The following PCDHGA4 variants were observed in gnomAD, a reference collection of about 807,000 sequenced individuals.
PCDHGA4 encodes protocadherin gamma subfamily A, 4, also known as protocadherin gamma-A4.
In PCDHGA4, 38 loss-of-function variants were observed where a neutral mutation model predicts 54.6. The observed-to-expected ratio is 0.70, with a 90% CI of 0.54 to 0.91. The LOEUF (loss-of-function observed/expected upper bound fraction) is 0.91, where lower values mean the gene tolerates loss of function less well. PCDHGA4 is among the 40% of genes least tolerant of loss of function. PCDHGA4 has a pLI of 0.00. For synonymous variants in PCDHGA4, 511 were observed against 512.9 expected, an observed-to-expected ratio of 1.00 and a Z score of 0.05; for missense variants, 1,298 against 1,220.9, an observed-to-expected ratio of 1.06 and a Z score of -0.94.
intron 1 of PCDHGA4, chr5:141,421,585 G>A: frequency 1.2e-6 from 2 of 1,613,916 alleles, no homozygotes; most frequent in Non-Finnish European, 1.7e-6. Context: ...GATTTACGGA[G>A]TGGAGGTGGA....
intron 1 of PCDHGA4, among the ~76,000 whole-genome samples, chr5:141,380,592 C>A (rs1776595781): frequency 6.6e-6 from 1 of 152,050 alleles, no homozygotes; most frequent in South Asian, 2.1e-4. Flanking sequence ...TAGTAAAGAT[C>A]TTTAATATTT....
At chr5:141,364,601 G>C in intron 1 of PCDHGA4, 1 of 1,614,194 alleles carries the variant, frequency 6.2e-7, no homozygotes, top group Non-Finnish European at 8.5e-7. Context: ...GGGCAGGATA[G>C]ACCGGGAGGA....
intron 1 of PCDHGA4, chr5:141,409,995 C>T: frequency 1.2e-6 from 2 of 1,613,308 alleles, no homozygotes; most frequent in Non-Finnish European, 1.7e-6. Context: ...GACGCCGACT[C>T]GGGACACAAC....
In PCDHGA4 at chr5:141,407,146, T is replaced by C. The variant is rs142297912; in HGVS notation, c.2514+49525T>C. On this transcript the variant is annotated intron_variant, in intron 1 of 3. Transcript: ENST00000571252. ...TGCTTTATTTTTAAGAAAAAAAAGC[T>C]GAAGTGTCTGGGAATCCTTTATGAC... 2.0e-5 allele frequency among the ~76,000 whole-genome samples: 3 copies of C among 152,354 alleles called. No individual in the cohort carries two copies. The East Asian group carries it at 5.8e-4, about 29-fold the overall frequency.
At chr5:141,418,407 A>C (rs1165583519) in intron 1 of PCDHGA4, 1 of 1,613,926 alleles carries the variant, frequency 6.2e-7, no homozygotes, top group Non-Finnish European at 8.5e-7. Flanking sequence ...TTGGTGGAGA[A>C]AGACAATCCT....
intron 1 of PCDHGA4, chr5:141,374,762 C>A (rs765014957): frequency 1.2e-5 from 19 of 1,613,390 alleles, no homozygotes. Flanking sequence ...AAGCGTCGCC[C>A]AAATTCTGGT....
intron 1 of PCDHGA4, chr5:141,362,316 T>C: frequency 1.2e-6 from 2 of 1,614,050 alleles, no homozygotes; most frequent in Non-Finnish European, 1.7e-6. Flanking sequence ...GGGACTGTTT[T>C]CAGCCTGGTC....
rs891428609 is a variant in PCDHGA4, at chr5:141,503,553, C to T, written c.2574-1840C>T. Among the ~76,000 whole-genome samples the T allele has an allele frequency of 9.4e-5, 14 of 149,164 alleles. No homozygotes were observed. In the East Asian group the frequency reaches 2.2e-3, roughly 23 times the overall value. On this transcript the variant is annotated intron_variant, in intron 2 of 3. Coordinates refer to ENST00000571252, the MANE Select transcript of PCDHGA4 (RefSeq NM_018917.4). ...GGCAGAGGTTGCAGTGAGCCGAGAT[C>T]GCGCCACTGTACTCCAGCCTGGGTG...
intron 1 of PCDHGA4, chr5:141,375,961 G>A: frequency 6.2e-7 from 1 of 1,613,370 alleles, no homozygotes; most frequent in Non-Finnish European, 8.5e-7. Flanking sequence ...CGGGCGAGGT[G>A]CGCACGGCGC....
chr5:141,470,113 A>C (rs1209326739), intron 1 of PCDHGA4, among the ~76,000 whole-genome samples: 1 of 152,126 alleles, frequency 6.6e-6, no homozygotes, highest in Non-Finnish European at 1.5e-5. Context: ...TGAGCAACAG[A>C]GCAAGACTTC....
chr5:141,357,443 C>CT lies in PCDHGA4; in HGVS notation c.2339dup (p.Leu781ProfsTer37). The stretch of plus-strand genomic sequence containing the variant: ...TTTGTGGGCGTGGACGGGGTTCGGG[C>CT]TTTCCTGCAGACCTATTCCCACGAG... On this transcript the variant is annotated frameshift_variant, in exon 1 of 4. Coordinates refer to ENST00000571252, the MANE Select transcript of PCDHGA4 (RefSeq NM_018917.4). LOFTEE classifies it high-confidence loss of function. 6.2e-7 allele frequency: 1 copy of CT among 1,614,222 alleles called. No individual in the cohort carries two copies. The highest frequency in any genetic ancestry group is 1.1e-5 in the South Asian group (1 of 91,090).
intron 1 of PCDHGA4, chr5:141,393,983 A>T: frequency 1.9e-6 from 3 of 1,613,710 alleles, no homozygotes; most frequent in Non-Finnish European, 2.5e-6. Context: ...GTGATAATTT[A>T]CCTTTTAAAT....
intron 1 of PCDHGA4, chr5:141,409,337 A>T: frequency 6.2e-7 from 1 of 1,614,012 alleles, no homozygotes; most frequent in Non-Finnish European, 8.5e-7. Flanking sequence ...TTTCGGAGGA[A>T]ATGGAGAAGT....
Position 141,490,051 on chromosome 5 carries a change from G to C in PCDHGA4, c.2515-4756G>C, listed in dbSNP as rs779280988. 1 of 1,614,214 alleles carries C rather than the reference G, an allele frequency of 6.2e-7. No individual in the cohort carries two copies. The highest frequency in any genetic ancestry group is 1.1e-5 in the South Asian group (1 of 91,082). On this transcript the variant is annotated intron_variant, in intron 1 of 3. Coordinates refer to ENST00000571252, the MANE Select transcript of PCDHGA4 (RefSeq NM_018917.4). The surrounding 1 kb of genome is among the most constrained non-coding windows in gnomAD (Gnocchi z 5.4). Reference sequence around the variant, plus strand: ...CCGCCTCAATGCCACTGATCCAGACGAGGGCACCAACGGCCAACTAGACTA... The same window carrying C: ...CCGCCTCAATGCCACTGATCCAGACCAGGGCACCAACGGCCAACTAGACTA...
In PCDHGA4 at chr5:141,511,580, G is replaced by A. The variant is rs1436011320; in HGVS notation, c.*407G>A. ...CTCTTTCCCGAGTAAGGTGGTTGGG[G>A]TGTTGAAGTACCAAGTAACCTACAA... On this transcript the variant is annotated 3_prime_UTR_variant, in exon 4 of 4. Coordinates refer to ENST00000571252, the MANE Select transcript of PCDHGA4 (RefSeq NM_018917.4). 2 of 282,206 alleles carry A rather than the reference G, an allele frequency of 7.1e-6. No individual in the cohort carries two copies. Among genetic ancestry groups the A allele is most frequent in the Admixed American group, 4.6e-5 (1 of 21,516 alleles). The allele number at this position is 282,206 out of a possible 1,614,324, so 17.5% of individuals were successfully genotyped here.
intron 1 of PCDHGA4, among the ~76,000 whole-genome samples, chr5:141,373,204 A>G (rs1769394897): frequency 6.6e-6 from 1 of 152,216 alleles, no homozygotes; most frequent in South Asian, 2.1e-4. Context: ...ATATCTTAAC[A>G]CATTTTTAAT....
chr5:141,392,649 C>G, intron 1 of PCDHGA4: 1 of 703,200 alleles, frequency 1.4e-6, no homozygotes, highest in Non-Finnish European at 2.2e-6. Flanking sequence ...CACGAAGACC[C>G]GCAGATGCCA....
rs1419819549 is a variant in PCDHGA4 at position 141,405,132 on chromosome 5, C to T, written c.2514+47511C>T. ...TGGCACTCCTCGCATCTGCTGCGGG[C>T]TACCAGTGATGGGTTGGCTGGTGTG... On this transcript the variant is annotated intron_variant, in intron 1 of 3. Transcript: ENST00000571252. 2 of 1,614,032 alleles carry T rather than the reference C, an allele frequency of 1.2e-6. No individual in the cohort carries two copies. Among genetic ancestry groups the T allele is most frequent in the East Asian group, 4.5e-5 (2 of 44,860 alleles).
Position 141,431,359 on chromosome 5 carries a change from G to A in PCDHGA4, c.2515-63448G>A. 1 of 1,614,024 alleles carries A rather than the reference G, an allele frequency of 6.2e-7. No homozygotes were observed. The highest frequency in any genetic ancestry group is 8.5e-7 in the Non-Finnish European group (1 of 1,180,030). On this transcript the variant is annotated intron_variant, in intron 1 of 3. Transcript: ENST00000571252. This position sits in a 1 kb window ranked among gnomAD's most constrained non-coding sequence, Gnocchi z 4.8. ...CCGAATTGGTGCTGAAACGCGCCCTGGACCGCGAAGAAAAGGCTGCTCACC... is the reference window on the plus strand; with the variant it reads ...CCGAATTGGTGCTGAAACGCGCCCTAGACCGCGAAGAAAAGGCTGCTCACC...
Sources: gnomAD v4.1 joint callset for allele counts (sites outside exome capture counted in the v4.1 genomes callset) on GRCh38, gnomAD v4.1.1 for gene constraint, Gnocchi (gnomAD v3.1) non-coding constraint, MANE v1.5 for transcripts, NCBI Gene and HGNC (gene_info 2026-07-23, HGNC 2026-07-21) for gene names.